Variants in HAS2 observed in about 807,000 individuals in gnomAD.
The protein encoded by HAS2 is hyaluronan synthase 2.
Under a neutral mutation model 51.6 loss-of-function variants are expected in HAS2, and 16 were observed. The ratio of observed to expected loss-of-function variants is 0.31; its 90% CI spans 0.21 to 0.47. HAS2 has a LOEUF of 0.47. Ranked by LOEUF, HAS2 falls within the 20% of genes least tolerant of loss-of-function variation. HAS2 has a pLI of 1.00. For synonymous variants in HAS2, 228 were observed against 235.5 expected (o/e 0.97, Z 0.29); for missense variants, 361 against 662.6 (o/e 0.54, Z 5.00).
intron 2 of HAS2, among the ~76,000 whole-genome samples, chr8:121,621,906 C>G (rs1261141778): frequency 6.6e-6 from 1 of 152,080 alleles, no homozygotes; most frequent in Non-Finnish European, 1.5e-5. Flanking sequence ...ACAGCTAACA[C>G]AGCAAGAGAG....
rs1056563570 is a variant in HAS2, at chr8:121,614,236, A to G, written c.1532T>C (p.Val511Ala). 3.7e-6 allele frequency: 6 copies of G among 1,614,158 alleles called. No individual in the cohort carries two copies. The highest frequency in any genetic ancestry group is 5.1e-6 in the Non-Finnish European group (6 of 1,179,964). ...KRPFSESKQT[V>A]LIVGTLLYAC... ...ATAGAGCAACGTTCCAACAATTAGA[A>G]CTGTCTGTTTGGATTCTGAAAATGG... Residue 511 changes from valine (V) to alanine (A), a missense_variant, in exon 4 of 4, where the codon GTT (valine) becomes GCT (alanine). This residue lies in a region of HAS2 where 61 missense variants were observed against 73.1 expected (regional missense o/e 0.84). Coordinates refer to ENST00000303924, the MANE Select transcript of HAS2 (RefSeq NM_005328.3). This position sits in a 1 kb window ranked among gnomAD's most constrained non-coding sequence, Gnocchi z 7.2.
intron 1 of HAS2, among the ~76,000 whole-genome samples, chr8:121,632,321 ACT>A (rs1313449204): frequency 2.3e-4 from 35 of 152,090 alleles, no homozygotes; most frequent in Admixed American, 6.5e-5. Context: ...CAATTCAAAT[ACT>A]CTGTTTCATA....
At chr8:121,616,917 T>C (rs1196506798) in intron 3 of HAS2, among the ~76,000 whole-genome samples, 188 bp downstream of exon 3, 3 of 152,184 alleles carry the variant, frequency 2.0e-5, no homozygotes, top group African/African-American at 7.2e-5. Context: ...CTAAATTATA[T>C]TTCAATTTAC....
rs779209146 is a variant in HAS2, at chr8:121,614,350, A to G, written c.1418T>C (p.Val473Ala). ...WGTSGRKTIV[V>A]NFIGLIPVSV... ...TACTGGAATGAGTCCTATGAAATTAACAACAATGGTTTTCCTTCCTGATGT... is the reference window on the plus strand; with the variant it reads ...TACTGGAATGAGTCCTATGAAATTAGCAACAATGGTTTTCCTTCCTGATGT... Residue 473 changes from valine (V) to alanine (A), a missense_variant, in exon 4 of 4, where the codon GTT becomes GCT. Val to Ala is a moderately conservative substitution (Grantham distance 64, BLOSUM62 0). Around this residue, in one of 5 missense-constraint regions of HAS2, gnomAD observed 106 missense variants for 241.0 expected, o/e 0.44. Transcript: ENST00000303924. This position sits in a 1 kb window ranked among gnomAD's most constrained non-coding sequence, Gnocchi z 7.2. 2 of 1,614,110 alleles carry G rather than the reference A, an allele frequency of 1.2e-6. No homozygotes were observed. The highest frequency in any genetic ancestry group is 8.5e-7 in the Non-Finnish European group (1 of 1,179,928).
At position 121,621,163 on chromosome 8, in the gene HAS2, T is replaced by G. The variant is rs929597936; in HGVS notation, c.628-3957A>C. ...ATAACTGGTTACACGGGGAAGGTTC[T>G]GCTTTCTTAAAAATAACAGTGAAGT... On this transcript the variant is annotated intron_variant, in intron 2 of 3. Transcript: ENST00000303924. Among the ~76,000 whole-genome samples, 4 of 152,356 alleles carry G rather than the reference T, an allele frequency of 2.6e-5. No homozygotes were observed. The South Asian group carries it at 8.3e-4, about 32-fold the overall frequency.
At chr8:121,633,344 G>A (rs547090244) in intron 1 of HAS2, among the ~76,000 whole-genome samples, 94 of 152,082 alleles carry the variant, frequency 6.2e-4, no homozygotes, top group South Asian at 4.1e-3. Context: ...GGGTTTCACC[G>A]TGTTGGCCAG....
intron 1 of HAS2, among the ~76,000 whole-genome samples, chr8:121,638,560 T>C (rs1366757538): frequency 6.6e-6 from 1 of 152,232 alleles, no homozygotes; most frequent in Non-Finnish European, 1.5e-5. Flanking sequence ...TTAGTTACAA[T>C]ATTTTGTTCT....
At chr8:121,625,141 G>T (rs1033050130) in intron 2 of HAS2, among the ~76,000 whole-genome samples, 2 of 148,046 alleles carry the variant, frequency 1.4e-5, no homozygotes, top group Middle Eastern at 3.5e-3. Flanking sequence ...TATATTTTAC[G>T]TTTTCTGATA....
chr8:121,618,828 G>A (rs1812740948), intron 2 of HAS2, among the ~76,000 whole-genome samples: 1 of 151,998 alleles, frequency 6.6e-6, no homozygotes, highest in African/African-American at 2.4e-5. Context: ...TCAAGATTTA[G>A]CCAATTTTTT....
Position 121,641,158 on chromosome 8 carries a change from C to CTTTTTTTTTTTTTTTTTTTTTTTTTTTTT in HAS2, c.-307_-306insAAAAAAAAAAAAAAAAAAAAAAAAAAAAA, listed in dbSNP as rs71573616. ...TAACTTTTCTTTTTTCTTTTCTTTT[C>CTTTTTTTTTTTTTTTTTTTTTTTTTTTTT]TTTTTTTTTTTTTTTTTTTTTTGGG... On this transcript the variant is annotated 5_prime_UTR_variant, in exon 1 of 4. Transcript: ENST00000303924. The CTTTTTTTTTTTTTTTTTTTTTTTTTTTTT allele has an allele frequency of 1.8e-5, 1 of 57,016 alleles. No homozygotes were observed. The highest frequency in any genetic ancestry group is 3.2e-5 in the Non-Finnish European group (1 of 30,856). The allele number at this position is 57,016 out of a possible 1,614,324, so 3.5% of individuals were successfully genotyped here. A position where few individuals can be genotyped will look rare whatever the true frequency, so the allele number is the denominator to read the frequency against.
intron 1 of HAS2, among the ~76,000 whole-genome samples, chr8:121,637,478 C>G (rs1813025984): frequency 6.6e-6 from 1 of 151,094 alleles, no homozygotes; most frequent in Admixed American, 6.6e-5. Context: ...ACAACCTCCA[C>G]CTCCCGAGTT....
chr8:121,637,582 G>T (rs1813028201), intron 1 of HAS2, among the ~76,000 whole-genome samples: 1 of 151,912 alleles, frequency 6.6e-6, no homozygotes, highest in African/African-American at 2.4e-5. Context: ...GTAGAGACAG[G>T]GTTTCACCAT....
At chr8:121,626,556 G>C (rs1014092696) in intron 2 of HAS2, among the ~76,000 whole-genome samples, 2 of 152,148 alleles carry the variant, frequency 1.3e-5, no homozygotes, top group Admixed American at 1.3e-4. Flanking sequence ...TGCACTCCAA[G>C]TTCCATCACT....
rs397728062 is a variant in HAS2, at chr8:121,637,390, C to CTTTTTT, written c.-1+3457_-1+3462dup. On this transcript the variant is annotated intron_variant, in intron 1 of 3. Transcript: ENST00000303924. The stretch of plus-strand genomic sequence containing the variant: ...CCACATGACTACCATTCAAAATAGA[C>CTTTTTT]TTTTTTTTTTTTTTTTTTGAGATAG... 2.1e-4 allele frequency among the ~76,000 whole-genome samples: 28 copies of CTTTTTT among 130,756 alleles called. 2 individuals are homozygous for CTTTTTT. The highest frequency in any genetic ancestry group is 4.4e-4 in the East Asian group (2 of 4,572). 85.8% of individuals were successfully genotyped at this position (130,756 alleles called of 152,430 possible).
intron 2 of HAS2, among the ~76,000 whole-genome samples, chr8:121,619,636 C>T (rs953918945): frequency 2.0e-5 from 3 of 152,076 alleles, no homozygotes; most frequent in African/African-American, 7.2e-5. Context: ...CTCAAGCCTC[C>T]GGAACCTAGA....
At chr8:121,637,863 G>A (rs1813032554) in intron 1 of HAS2, among the ~76,000 whole-genome samples, 1 of 152,134 alleles carries the variant, frequency 6.6e-6, no homozygotes, top group South Asian at 2.1e-4. Flanking sequence ...ACACGGCATG[G>A]GTTTGCATGG....
At chr8:121,617,309 T>A (rs1021747226) in intron 2 of HAS2, 103 bp from the exon 3 acceptor site, 2 of 640,550 alleles carry the variant, frequency 3.1e-6, no homozygotes, top group African/African-American at 3.7e-5. Flanking sequence ...CATCTTACTG[T>A]CACAAGGCCT....
intron 3 of HAS2, 130 bp from the exon 4 acceptor site, chr8:121,615,168 T>C (rs1438827975): frequency 1.6e-6 from 1 of 620,858 alleles, no homozygotes; most frequent in Non-Finnish European, 2.8e-6. Flanking sequence ...TCGTTCCTCT[T>C]TTTGGCGTGG....
rs4004232 is a variant in HAS2 at position 121,641,229 on chromosome 8, T to TAAA, written c.-380_-378dup. 2.0e-4 allele frequency: 5 copies of TAAA among 24,448 alleles called. No individual in the cohort carries two copies. The highest frequency in any genetic ancestry group is 2.9e-4 in the Non-Finnish European group (4 of 13,768). 1.5% of individuals were successfully genotyped at this position (24,448 alleles called of 1,614,324 possible). A position where few individuals can be genotyped will look rare whatever the true frequency, so the allele number is the denominator to read the frequency against. On this transcript the variant is annotated 5_prime_UTR_variant, in exon 1 of 4. Coordinates refer to ENST00000303924, the MANE Select transcript of HAS2 (RefSeq NM_005328.3). ...ATAACAGAAAATCTCTTTTTCGTCT[T>TAAA]AAAAAAAAAAAAAAAAAAAAAAAAA...
Sources: allele counts gnomAD v4.1 joint callset (sites outside exome capture counted in the v4.1 genomes callset), GRCh38; gene constraint gnomAD v4.1.1; regional missense constraint gnomAD v4.1.1; non-coding constraint Gnocchi (gnomAD v3.1); transcripts MANE v1.5; gene names NCBI Gene and HGNC (gene_info 2026-07-23, HGNC 2026-07-21).